The following RHPN2 variants were observed in gnomAD, a reference collection of about 807,000 sequenced individuals.
The protein encoded by RHPN2 is rhophilin Rho GTPase binding protein 2.
RHPN2 carries 40 observed loss-of-function variants against 79.0 expected under a neutral mutation model. The observed-to-expected ratio is 0.51, with a 90% CI of 0.39 to 0.66. The LOEUF (loss-of-function observed/expected upper bound fraction) is 0.66, where lower values mean the gene tolerates loss of function less well. Ranked by LOEUF, RHPN2 falls within the 30% of genes least tolerant of loss-of-function variation. The pLI, the probability that RHPN2 is intolerant of heterozygous loss-of-function variation, is 0.00. For synonymous variants in RHPN2, 285 were observed against 363.5 expected (o/e 0.78, Z 2.46); for missense variants, 686 against 883.5 (o/e 0.78, Z 2.83).
At position 32,991,871 on chromosome 19, in the gene RHPN2, C is replaced by A. The variant is rs1018001316; in HGVS notation, c.1596G>T (p.Gly532=). The A allele has an allele frequency of 2.5e-6, 4 of 1,613,848 alleles. No individual in the cohort carries two copies. In the African/African-American group the frequency reaches 5.3e-5, roughly 22 times the overall value. The change falls in exon 13 of 15, where the codon GGG becomes GGT. Residue 532 remains glycine, a synonymous_variant. Transcript: ENST00000254260. The part of the protein sequence containing the change: ...EEGDLGFTLR[G]NAPVQVHFLD... Reference sequence around the variant, plus strand: ...GGAAGTGAACCTGAACGGGGGCGTTCCCTCTCAAGGTGAACCCCAAGTCCC... The same window carrying A: ...GGAAGTGAACCTGAACGGGGGCGTTACCTCTCAAGGTGAACCCCAAGTCCC...
intron 2 of RHPN2, among the ~76,000 whole-genome samples, chr19:33,029,313 T>C: frequency 1.3e-5 from 2 of 151,592 alleles, no homozygotes. Flanking sequence ...GATCACGAGG[T>C]CAGGAGATCG....
intron 1 of RHPN2, among the ~76,000 whole-genome samples, chr19:33,061,030 T>C (rs1972275160): frequency 1.3e-5 from 2 of 152,140 alleles, no homozygotes; most frequent in Admixed American, 1.3e-4. Context: ...GGTCTGGTCC[T>C]GCTTTAAATA....
intron 2 of RHPN2, among the ~76,000 whole-genome samples, chr19:33,039,672 T>C (rs568163273): frequency 1.9e-4 from 29 of 152,048 alleles, no homozygotes; most frequent in African/African-American, 6.5e-4. Flanking sequence ...ACCTCGTCTC[T>C]ACTAAAAATA....
At chr19:33,040,523 CCACAGTGCT>C (rs1972092986) in intron 2 of RHPN2, among the ~76,000 whole-genome samples, 1 of 152,086 alleles carries the variant, frequency 6.6e-6, no homozygotes, top group Non-Finnish European at 1.5e-5. Context: ...CAGAAGTGAG[CCACAGTGCT>C]CACCGGCCCT....
At chr19:33,022,535 C>T (rs770691354) in intron 3 of RHPN2, among the ~76,000 whole-genome samples, 29 of 152,172 alleles carry the variant, frequency 1.9e-4, no homozygotes, top group South Asian at 6.2e-4. Flanking sequence ...CATCTGACAC[C>T]GAAATGCACC....
intron 2 of RHPN2, among the ~76,000 whole-genome samples, chr19:33,034,179 G>A (rs2145255509): frequency 1.4e-5 from 2 of 144,228 alleles, no homozygotes; most frequent in Admixed American, 1.4e-4. Flanking sequence ...TTTGATTTAA[G>A]ATTTGCCACA....
chr19:33,015,359 A>C (rs1256605931), intron 4 of RHPN2, among the ~76,000 whole-genome samples: 1 of 152,164 alleles, frequency 6.6e-6, no homozygotes. Context: ...CAGGAGGCAG[A>C]GGTTGCAGTG....
Position 32,984,442 on chromosome 19 carries a change from G to A in RHPN2, c.1801-4186C>T, listed in dbSNP as rs191712551. 3.1e-3 allele frequency among the ~76,000 whole-genome samples: 467 copies of A among 152,208 alleles called. 6 individuals carry two copies. Among genetic ancestry groups the A allele is most frequent in the Non-Finnish European group, 4.1e-3 (280 of 68,012 alleles). On this transcript the variant is annotated intron_variant, in intron 14 of 14. Coordinates refer to ENST00000254260, the MANE Select transcript of RHPN2 (RefSeq NM_033103.5). ...GGGAGGCCAAGGCGGGCCAATCACCGGAGGCCAGGAGTTCAAGATCAGCCT... is the reference window on the plus strand; with the variant it reads ...GGGAGGCCAAGGCGGGCCAATCACCAGAGGCCAGGAGTTCAAGATCAGCCT...
At chr19:33,034,790 A>AT (rs1316175716) in intron 2 of RHPN2, among the ~76,000 whole-genome samples, 1 of 150,198 alleles carries the variant, frequency 6.7e-6, no homozygotes, top group East Asian at 2.0e-4. Flanking sequence ...TCTCAAAAAA[A>AT]AAAAAAAAAA....
intron 3 of RHPN2, among the ~76,000 whole-genome samples, chr19:33,026,016 G>T: frequency 7.3e-6 from 1 of 137,316 alleles, no homozygotes; most frequent in Non-Finnish European, 1.5e-5. Flanking sequence ...TTTTGAGACA[G>T]AGTCTTGCTC....
At position 33,038,694 on chromosome 19, in the gene RHPN2, G is replaced by C. The variant is rs891904547; in HGVS notation, c.185+5555C>G. Among the ~76,000 whole-genome samples, 8 of 152,106 alleles carry C rather than the reference G, an allele frequency of 5.3e-5. 1 individual carries two copies. The highest frequency in any genetic ancestry group is 5.2e-4 in the Admixed American group (8 of 15,266). Reference sequence around the variant, plus strand: ...TTGTTAAGAGACAGGGTCTCACTCTGTCACCCAGGCTGGAGTGCAATGGCG... The same window carrying C: ...TTGTTAAGAGACAGGGTCTCACTCTCTCACCCAGGCTGGAGTGCAATGGCG... On this transcript the variant is annotated intron_variant, in intron 2 of 14. Coordinates refer to ENST00000254260, the MANE Select transcript of RHPN2 (RefSeq NM_033103.5).
chr19:33,002,318 G>A lies in RHPN2; in HGVS notation c.1034C>T (p.Ala345Val), dbSNP rs145677315. 2.4e-5 allele frequency: 39 copies of A among 1,613,930 alleles called. No homozygotes were observed. Among genetic ancestry groups the A allele is most frequent in the Middle Eastern group, 1.7e-4 (1 of 6,006 alleles). Reference sequence around the variant, plus strand: ...CGCGTAGTGGTGGGCCTTCACGCAGGCTAAGCTGGCCCAGGAGTAGGGGAT... The same window carrying A: ...CGCGTAGTGGTGGGCCTTCACGCAGACTAAGCTGGCCCAGGAGTAGGGGAT... ...ENIPYSWASLACVKAHHYAAL... is the reference protein window; with the variant it reads ...ENIPYSWASLVCVKAHHYAAL... Residue 345 changes from alanine to valine, a missense_variant, in exon 9 of 15, where the codon GCC becomes GTC. Ala to Val is a moderately conservative substitution (Grantham distance 64). Transcript: ENST00000254260.
intron 1 of RHPN2, 65 bp from the exon 2 acceptor site, chr19:33,044,429 T>C (rs372841560): frequency 1.0e-6 from 1 of 1,000,852 alleles, no homozygotes; most frequent in East Asian, 2.4e-5. Context: ...CAGGGTTTAA[T>C]ATAATGGAAA....
At chr19:33,062,467 G>A (rs1329967505) in intron 1 of RHPN2, among the ~76,000 whole-genome samples, 114 of 130,268 alleles carry the variant, frequency 8.8e-4, no homozygotes, top group South Asian at 4.5e-3. Flanking sequence ...ATCTCAGGGG[G>A]AAAAAAAAAA....
chr19:33,064,333 TATG>T (rs67863666), intron 1 of RHPN2, among the ~76,000 whole-genome samples: 62,724 of 151,730 alleles, frequency 0.41, 16,354 homozygotes, highest in African/African-American at 0.73. Context: ...CTAAAATAAA[TATG>T]AGACCGCCAA....
chr19:33,013,858 T>C (rs1022584191), intron 4 of RHPN2, among the ~76,000 whole-genome samples: 1 of 128,642 alleles, frequency 7.8e-6, no homozygotes, highest in Non-Finnish European at 1.6e-5. Flanking sequence ...TTTTATTTTA[T>C]TTTACTTTAT....
chr19:33,002,203 T>G (rs1971753899), intron 9 of RHPN2, 44 bp downstream of exon 9: 2 of 1,602,512 alleles, frequency 1.2e-6, no homozygotes, highest in African/African-American at 2.7e-5. Context: ...CTGGGGCAGC[T>G]GGACCACAGC....
chr19:33,005,137 G>A (rs534061591), intron 7 of RHPN2, among the ~76,000 whole-genome samples: 2 of 151,854 alleles, frequency 1.3e-5, no homozygotes, highest in African/African-American at 4.8e-5. Flanking sequence ...ATTCTGGCCA[G>A]GCGTGGTGGC....
At chr19:33,005,402 G>A (rs1971781846) in intron 7 of RHPN2, among the ~76,000 whole-genome samples, 1 of 98,418 alleles carries the variant, frequency 1.0e-5, no homozygotes, top group African/African-American at 4.2e-5. Flanking sequence ...GACAGAGTGA[G>A]ATTCTGTCTC....
Sources: gnomAD v4.1 joint callset for allele counts (sites outside exome capture counted in the v4.1 genomes callset) on GRCh38, gnomAD v4.1.1 for gene constraint, MANE v1.5 for transcripts, NCBI Gene and HGNC (gene_info 2026-07-23, HGNC 2026-07-21) for gene names.